Variants in EFL1 observed in about 807,000 individuals in gnomAD.
The protein encoded by EFL1 is elongation factor-like GTPase 1.
A neutral mutation model predicts 126.7 loss-of-function variants in EFL1; 76 were observed. That is an observed-to-expected ratio of 0.60 (90% confidence interval 0.50 to 0.73). EFL1 has a LOEUF of 0.73. Among genes scored for constraint, EFL1 ranks in the 30% least tolerant of loss-of-function variants. EFL1 has a pLI of 0.00. For missense variants in EFL1, 1,128 were observed against 1,343.2 expected (o/e 0.84, Z 2.50); for synonymous variants, 410 against 448.4 (o/e 0.91, Z 1.08).
intron 7 of EFL1, among the ~76,000 whole-genome samples, chr15:82,232,555 T>C (rs1455553144): frequency 6.6e-6 from 1 of 152,214 alleles, no homozygotes; most frequent in Non-Finnish European, 1.5e-5. Flanking sequence ...TGATAATTGA[T>C]AGTTAATCTC....
chr15:82,167,986 T>C (rs769496680), intron 15 of EFL1, among the ~76,000 whole-genome samples: 2 of 152,240 alleles, frequency 1.3e-5, no homozygotes, highest in Non-Finnish European at 1.5e-5. Flanking sequence ...GCAAGTCATA[T>C]GTCATGAACA....
At chr15:82,181,181 T>C (rs1213625581) in intron 15 of EFL1, among the ~76,000 whole-genome samples, 1 of 152,204 alleles carries the variant, frequency 6.6e-6, no homozygotes, top group Non-Finnish European at 1.5e-5. Context: ...AATTTCCCTT[T>C]CATTTATATA....
intron 15 of EFL1, among the ~76,000 whole-genome samples, chr15:82,200,235 A>T (rs1283813324): frequency 6.6e-6 from 1 of 152,258 alleles, no homozygotes; most frequent in African/African-American, 2.4e-5. Context: ...ACATTCAAAG[A>T]AAAACACAAG....
intron 11 of EFL1, 122 bp downstream of exon 11, chr15:82,227,328 G>A (rs958157688): frequency 3.1e-5 from 44 of 1,430,084 alleles, no homozygotes; most frequent in Non-Finnish European, 4.2e-5. Context: ...GTTCATCTGT[G>A]GAAGTGGACA....
rs778052179 is a variant in EFL1 at position 82,219,714 on chromosome 15, G to C, written c.1549C>G (p.Arg517Gly). 7 of 1,613,618 alleles carry C rather than the reference G, an allele frequency of 4.3e-6. No homozygotes were observed. Among genetic ancestry groups the C allele is most frequent in the Non-Finnish European group, 5.9e-6 (7 of 1,179,868 alleles). Reference sequence around the variant, plus strand: ...AAGACAAAAATTTTCTTTCCTCTTCGAGCCACACCACTGAACACCCGAGCA... The same window carrying C: ...AAGACAAAAATTTTCTTTCCTCTTCCAGCCACACCACTGAACACCCGAGCA... Reference protein sequence around the residue: ...AFARVFSGVARRGKKIFVLGP... With the variant: ...AFARVFSGVAGRGKKIFVLGP... Residue 517 changes from arginine (R) to glycine (G), a missense_variant, in exon 14 of 20, where the codon CGA (arginine) becomes GGA (glycine). Arg to Gly is a moderately radical substitution (Grantham distance 125). Coordinates refer to ENST00000268206, the MANE Select transcript of EFL1 (RefSeq NM_024580.6).
At chr15:82,155,386 C>T (rs2141232734) in intron 17 of EFL1, among the ~76,000 whole-genome samples, 1 of 152,216 alleles carries the variant, frequency 6.6e-6, no homozygotes, top group Non-Finnish European at 1.5e-5. Flanking sequence ...CCTGTAGTCC[C>T]AGCTACTCAG....
intron 13 of EFL1, 108 bp downstream of exon 13, chr15:82,219,970 T>A: frequency 6.7e-7 from 1 of 1,497,904 alleles, no homozygotes; most frequent in Non-Finnish European, 8.9e-7. Flanking sequence ...AGAATATTGA[T>A]AAAAACTACG....
intron 4 of EFL1, among the ~76,000 whole-genome samples, chr15:82,247,714 GTTTGTTTCTCT>G (rs2074985650): frequency 2.0e-5 from 3 of 152,044 alleles, no homozygotes; most frequent in Admixed American, 2.0e-4. Context: ...ATGTAGCGAT[GTTTGTTTCTCT>G]TGGAATGTTT....
chr15:82,185,716 C>G (rs902464636), intron 15 of EFL1, among the ~76,000 whole-genome samples: 2 of 152,076 alleles, frequency 1.3e-5, no homozygotes, highest in African/African-American at 4.8e-5. Flanking sequence ...TGTTCAACCT[C>G]TTTAATAGTA....
intron 15 of EFL1, among the ~76,000 whole-genome samples, chr15:82,205,539 T>TAC (rs144966014): frequency 0.081 from 12,208 of 149,954 alleles, 540 homozygotes; most frequent in Middle Eastern, 0.11. Context: ...CTCCAGTAAA[T>TAC]ACACACACAC....
rs374717047 is a variant in EFL1, at chr15:82,262,651, G to A, written c.-57C>T. 50 of 486,866 alleles carry A rather than the reference G, an allele frequency of 1.0e-4. No homozygotes were observed. Among genetic ancestry groups the A allele is most frequent in the African/African-American group, 8.4e-4 (41 of 48,774 alleles). 30.2% of individuals were successfully genotyped at this position (486,866 alleles called of 1,614,324 possible). A position where few individuals can be genotyped will look rare whatever the true frequency, so the allele number is the denominator to read the frequency against. ...CCCCACCAGCCCCGCTCCTTCTCTC[G>A]GGTCGCACCCACACCGAGAGCTTCC... On this transcript the variant is annotated 5_prime_UTR_variant, in exon 1 of 20. Coordinates refer to ENST00000268206, the MANE Select transcript of EFL1 (RefSeq NM_024580.6).
intron 15 of EFL1, among the ~76,000 whole-genome samples, chr15:82,197,128 T>A (rs538774150): frequency 6.6e-6 from 1 of 152,142 alleles, no homozygotes; most frequent in Non-Finnish European, 1.5e-5. Context: ...GTTTAGAAAG[T>A]GAAAATTTAC....
At chr15:82,209,091 TA>T (rs1213103625) in intron 15 of EFL1, among the ~76,000 whole-genome samples, 6 of 152,148 alleles carry the variant, frequency 3.9e-5, no homozygotes, top group Non-Finnish European at 8.8e-5. Context: ...TTTCACTCAT[TA>T]AAATAGATTA....
At chr15:82,176,408 C>T (rs1595961497) in intron 15 of EFL1, among the ~76,000 whole-genome samples, 2 of 152,246 alleles carry the variant, frequency 1.3e-5, no homozygotes, top group Admixed American at 6.5e-5. Context: ...AGATAACTCG[C>T]AAAGGAGAAA....
intron 15 of EFL1, among the ~76,000 whole-genome samples, chr15:82,183,426 C>T (rs1425022163): frequency 2.0e-5 from 3 of 152,172 alleles, no homozygotes; most frequent in Non-Finnish European, 4.4e-5. Context: ...ATCCTTGCCT[C>T]CTCCAGATCT....
intron 15 of EFL1, among the ~76,000 whole-genome samples, chr15:82,211,569 C>CTAGACACATACTAG (rs2074587806): frequency 7.5e-6 from 1 of 132,538 alleles, no homozygotes; most frequent in African/African-American, 2.9e-5. Context: ...CACACACACA[C>CTAGACACATACTAG]ACACACACAC....
At chr15:82,183,696 T>G (rs967505748) in intron 15 of EFL1, among the ~76,000 whole-genome samples, 10 of 152,330 alleles carry the variant, frequency 6.6e-5, no homozygotes, top group African/African-American at 2.4e-4. Context: ...CCATTTTGAA[T>G]ATTATCACTG....
rs115684840 is a variant in EFL1, at chr15:82,152,571, T to A, written c.2031-148A>T. On this transcript the variant is annotated intron_variant, in intron 17 of 19. Coordinates refer to ENST00000268206, the MANE Select transcript of EFL1 (RefSeq NM_024580.6). ...TATGAAAGATCTGCAATTTACATTATATAACATTCAAAAACTGCTTTCTTT... is the reference window on the plus strand; with the variant it reads ...TATGAAAGATCTGCAATTTACATTAAATAACATTCAAAAACTGCTTTCTTT... 6 of 736,000 alleles carry A rather than the reference T, an allele frequency of 8.2e-6. No homozygotes were observed. The Admixed American group carries it at 1.4e-4, about 17-fold the overall frequency. 45.6% of individuals were successfully genotyped at this position (736,000 alleles called of 1,614,324 possible).
intron 15 of EFL1, among the ~76,000 whole-genome samples, chr15:82,192,268 T>C (rs1178925733): frequency 2.6e-5 from 4 of 151,860 alleles, no homozygotes; most frequent in Non-Finnish European, 2.9e-5. Context: ...GATGTGGTGA[T>C]GGGTGCTTGT....
Sources: gnomAD v4.1 joint callset for allele counts (sites outside exome capture counted in the v4.1 genomes callset) on GRCh38, gnomAD v4.1.1 for gene constraint, MANE v1.5 for transcripts, NCBI Gene and HGNC (gene_info 2026-07-23, HGNC 2026-07-21) for gene names.